EYS: variants seen among roughly 807,000 people sequenced by gnomAD.
EYS encodes protein eyes shut homolog.
In EYS, 250 loss-of-function variants were observed where a neutral mutation model predicts 282.1. The observed-to-expected ratio is 0.89, with a 90% CI of 0.80 to 0.98. EYS has a LOEUF of 0.98. Among genes scored for constraint, EYS ranks in the 50% least tolerant of loss-of-function variants. The pLI, the probability that EYS is intolerant of heterozygous loss-of-function variation, is 0.00. For synonymous variants in EYS, 1,355 were observed against 1,282.9 expected, an observed-to-expected ratio of 1.06 and a Z score of -1.20; for missense variants, 4,016 against 3,709.0, an observed-to-expected ratio of 1.08 and a Z score of -2.15.
At chr6:63,962,313 T>C (rs1386792276) in intron 35 of EYS, among the ~76,000 whole-genome samples, 1 of 151,832 alleles carries the variant, frequency 6.6e-6, no homozygotes, top group East Asian at 1.9e-4. Flanking sequence ...ACCATCAGAG[T>C]GAACAGGCAA....
intron 2 of EYS, among the ~76,000 whole-genome samples, chr6:65,637,817 G>A (rs1279073351): frequency 7.2e-5 from 11 of 152,192 alleles, no homozygotes; most frequent in Non-Finnish European, 1.5e-4. Flanking sequence ...GGAGGCTGGC[G>A]GGCGTGGTGA....
intron 31 of EYS, among the ~76,000 whole-genome samples, chr6:64,083,926 C>T (rs1367491746): frequency 2.0e-5 from 3 of 152,102 alleles, no homozygotes; most frequent in East Asian, 1.9e-4. Context: ...TTAGTAGAGA[C>T]GGGGTTTCAC....
At chr6:64,921,144 A>T (rs930907459) in intron 15 of EYS, among the ~76,000 whole-genome samples, 1 of 152,088 alleles carries the variant, frequency 6.6e-6, no homozygotes, top group Non-Finnish European at 1.5e-5. Context: ...AAAACTATAT[A>T]CTCTAATTAC....
At chr6:65,538,594 G>C (rs949786410) in intron 2 of EYS, among the ~76,000 whole-genome samples, 1 of 152,134 alleles carries the variant, frequency 6.6e-6, no homozygotes, top group Admixed American at 6.5e-5. Flanking sequence ...TAATTAAGCA[G>C]AGAATGTCAT....
At chr6:64,089,943 A>T (rs1419456590) in intron 31 of EYS, among the ~76,000 whole-genome samples, 1 of 152,058 alleles carries the variant, frequency 6.6e-6, no homozygotes, top group Non-Finnish European at 1.5e-5. Flanking sequence ...CTTCACTGTC[A>T]CTTCCAATCT....
At chr6:65,369,304 AT>A (rs1765038855) in intron 8 of EYS, among the ~76,000 whole-genome samples, 1 of 65,856 alleles carries the variant, frequency 1.5e-5, no homozygotes, top group African/African-American at 3.4e-5. Context: ...ATATTTATGT[AT>A]AATATATATA....
chr6:64,330,497 C>T (rs1770600122), intron 29 of EYS, among the ~76,000 whole-genome samples: 1 of 152,168 alleles, frequency 6.6e-6, no homozygotes, highest in Admixed American at 6.5e-5. Context: ...CAGGTCCCAG[C>T]ATTGGAACTG....
Position 65,000,148 on chromosome 6 carries a change from C to T in EYS, c.2138-2445G>A, listed in dbSNP as rs140104750. Among the ~76,000 whole-genome samples the T allele has an allele frequency of 2.6e-5, 4 of 152,236 alleles. 1 individual carries two copies. Among genetic ancestry groups the T allele is most frequent in the African/African-American group, 7.2e-5 (3 of 41,552 alleles). On this transcript the variant is annotated intron_variant, in intron 13 of 42. Transcript: ENST00000503581. Reference sequence around the variant, plus strand: ...TGTAGACATTCACCCCTATGCACTGCGGTGGAGTCAGAGCTCCACATCCTG... The same window carrying T: ...TGTAGACATTCACCCCTATGCACTGTGGTGGAGTCAGAGCTCCACATCCTG...
chr6:64,194,082 C>A (rs1404607184), intron 31 of EYS, among the ~76,000 whole-genome samples: 1 of 151,994 alleles, frequency 6.6e-6, no homozygotes, highest in African/African-American at 2.4e-5. Flanking sequence ...CCACGTAAGC[C>A]AGGATAGTCT....
chr6:65,540,916 C>A (rs1455578780), intron 2 of EYS, among the ~76,000 whole-genome samples: 1 of 152,040 alleles, frequency 6.6e-6, no homozygotes, highest in Non-Finnish European at 1.5e-5. Context: ...CAGTGCGAGA[C>A]TCTATCTCAA....
chr6:65,612,055 A>G (rs1019175304), intron 2 of EYS, among the ~76,000 whole-genome samples: 2 of 151,884 alleles, frequency 1.3e-5, no homozygotes, highest in African/African-American at 4.8e-5. Context: ...TTTCACTAGC[A>G]AAGTCCAAAA....
intron 36 of EYS, among the ~76,000 whole-genome samples, chr6:63,820,984 T>C (rs1051353187): frequency 2.7e-4 from 41 of 152,142 alleles, no homozygotes; most frequent in African/African-American, 9.4e-4. Context: ...GTTATGAAAT[T>C]ATGTATTAAA....
At chr6:64,687,363 C>A (rs1403951180) in intron 22 of EYS, among the ~76,000 whole-genome samples, 3 of 152,008 alleles carry the variant, frequency 2.0e-5, no homozygotes. Flanking sequence ...TGGAAGAATG[C>A]ATGAGAGTTT....
intron 36 of EYS, among the ~76,000 whole-genome samples, chr6:63,830,052 C>A (rs1211503932): frequency 6.6e-6 from 1 of 152,134 alleles, no homozygotes; most frequent in South Asian, 2.1e-4. Flanking sequence ...CACACCAAAT[C>A]CCCATCTGTA....
At chr6:63,747,262 T>A (rs1238453003) in intron 41 of EYS, among the ~76,000 whole-genome samples, 1 of 152,212 alleles carries the variant, frequency 6.6e-6, no homozygotes, top group Non-Finnish European at 1.5e-5. Flanking sequence ...TGGTTTTGAG[T>A]GAGTTTCTTA....
chr6:64,980,752 T>C (rs1770633733), intron 14 of EYS, among the ~76,000 whole-genome samples: 1 of 151,428 alleles, frequency 6.6e-6, no homozygotes, highest in African/African-American at 2.4e-5. Context: ...ATTCTAGTTT[T>C]ATAAAACTAA....
At chr6:63,948,738 A>G (rs796763089) in intron 35 of EYS, among the ~76,000 whole-genome samples, 5 of 152,270 alleles carry the variant, frequency 3.3e-5, no homozygotes, top group African/African-American at 1.2e-4. Flanking sequence ...CAGGGACAAA[A>G]GTGCAGAATG....
intron 12 of EYS, among the ~76,000 whole-genome samples, chr6:65,118,540 C>T (rs978635366): frequency 6.6e-6 from 1 of 152,190 alleles, no homozygotes; most frequent in African/African-American, 2.4e-5. Flanking sequence ...CATGTGTTTG[C>T]AGCTCGTCAA....
At chr6:65,145,855 T>C (rs1764463841) in intron 12 of EYS, among the ~76,000 whole-genome samples, 1 of 151,984 alleles carries the variant, frequency 6.6e-6, no homozygotes, top group African/African-American at 2.4e-5. Flanking sequence ...ATCAACAGAA[T>C]TGGAATATAT....
Sources: gnomAD v4.1 joint callset for allele counts (sites outside exome capture counted in the v4.1 genomes callset) on GRCh38, gnomAD v4.1.1 for gene constraint, MANE v1.5 for transcripts, NCBI Gene and HGNC (gene_info 2026-07-23, HGNC 2026-07-21) for gene names.